BRIP1: variants seen among roughly 807,000 people sequenced by gnomAD.
BRIP1 encodes BRCA1 interacting DNA helicase 1.
BRIP1 carries 88 observed loss-of-function variants against 119.7 expected under a neutral mutation model. The observed-to-expected ratio is 0.74, with a 90% CI of 0.62 to 0.88. The LOEUF is 0.88. BRIP1 is among the 40% of genes least tolerant of loss of function. The pLI, the probability that BRIP1 is intolerant of heterozygous loss-of-function variation, is 0.00. For missense variants in BRIP1, 1,259 were observed against 1,455.4 expected (o/e 0.87, Z 2.20); for synonymous variants, 443 against 496.5 (o/e 0.89, Z 1.43).
rs1458785489 is a variant in BRIP1, at chr17:61,756,339, C to G, written c.2098-11748G>C. Among the ~76,000 whole-genome samples the G allele has an allele frequency of 6.6e-6, 1 of 152,160 alleles. No individual in the cohort carries two copies. The highest frequency in any genetic ancestry group is 2.4e-5 in the African/African-American group (1 of 41,440). On this transcript the variant is annotated intron_variant, in intron 14 of 19. Coordinates refer to ENST00000259008, the MANE Select transcript of BRIP1 (RefSeq NM_032043.3). This position sits in a 1 kb window ranked among gnomAD's most constrained non-coding sequence, Gnocchi z 4.3. ...TAACTTAAAGGAAAGTACGATGACA[C>G]AGAGCTGTCTCTCAGGTCTTATGGC...
At chr17:61,829,368 TA>T (rs1352938709) in intron 6 of BRIP1, among the ~76,000 whole-genome samples, 5 of 151,852 alleles carry the variant, frequency 3.3e-5, no homozygotes, top group Admixed American at 6.6e-5. Flanking sequence ...CAAGAAGACA[TA>T]ATAATCTTAA....
chr17:61,799,677 A>T lies in BRIP1; in HGVS notation c.1141-378T>A, dbSNP rs184536981. 3.2e-4 allele frequency among the ~76,000 whole-genome samples: 49 copies of T among 152,314 alleles called. No homozygotes were observed. Among genetic ancestry groups the T allele is most frequent in the African/African-American group, 1.1e-3 (47 of 41,578 alleles). ...CCTTTAAAAATAAAATAACAATATA[A>T]GATTAAAAGCATAAGACCTTTAAAA... On this transcript the variant is annotated intron_variant, in intron 8 of 19. Coordinates refer to ENST00000259008, the MANE Select transcript of BRIP1 (RefSeq NM_032043.3). The surrounding 1 kb of genome is among the most constrained non-coding windows in gnomAD (Gnocchi z 5.1).
Position 61,846,651 on chromosome 17 carries a change from T to G in BRIP1, c.627+450A>C, listed in dbSNP as rs1335986571. Among the ~76,000 whole-genome samples, 1 of 152,156 alleles carries G rather than the reference T, an allele frequency of 6.6e-6. No homozygotes were observed. Among genetic ancestry groups the G allele is most frequent in the Non-Finnish European group, 1.5e-5 (1 of 68,008 alleles). On this transcript the variant is annotated intron_variant, in intron 6 of 19. Transcript: ENST00000259008. The surrounding 1 kb of genome is among the most constrained non-coding windows in gnomAD (Gnocchi z 4.3). Reference sequence around the variant, plus strand: ...ATCCACCCGCCTTGGCCTCCCAAAGTGCTGGGATTACAGGCGTGAGCCACC... The same window carrying G: ...ATCCACCCGCCTTGGCCTCCCAAAGGGCTGGGATTACAGGCGTGAGCCACC...
chr17:61,727,083 C>G (rs2076775259), intron 16 of BRIP1, among the ~76,000 whole-genome samples: 1 of 152,220 alleles, frequency 6.6e-6, no homozygotes, highest in East Asian at 1.9e-4. Context: ...TAAGGGGACT[C>G]AGTAATGGTG....
chr17:61,719,597 C>T (rs976518110), intron 16 of BRIP1, among the ~76,000 whole-genome samples: 9 of 151,608 alleles, frequency 5.9e-5, no homozygotes, highest in East Asian at 2.0e-4. Context: ...TGGTGGCAGG[C>T]GCCTGTAGTC....
At position 61,844,382 on chromosome 17, in the gene BRIP1, T is replaced by C. The variant is rs1567864232; in HGVS notation, c.627+2719A>G. Among the ~76,000 whole-genome samples the C allele has an allele frequency of 6.6e-6, 1 of 152,096 alleles. No homozygotes were observed. Among genetic ancestry groups the C allele is most frequent in the Non-Finnish European group, 1.5e-5 (1 of 68,018 alleles). On this transcript the variant is annotated intron_variant, in intron 6 of 19. Coordinates refer to ENST00000259008, the MANE Select transcript of BRIP1 (RefSeq NM_032043.3). The surrounding 1 kb of genome is among the most constrained non-coding windows in gnomAD (Gnocchi z 4.7). ...AGAGGATCACTGGAGGCCATGAGTT[T>C]GAGACCAACCTGGGCAACACAGTGA...
chr17:61,786,197 CGT>C (rs139960292), intron 10 of BRIP1, among the ~76,000 whole-genome samples: 32 of 148,730 alleles, frequency 2.2e-4, no homozygotes, highest in South Asian at 4.2e-4. Flanking sequence ...CATGAGTGAG[CGT>C]GTGTGTGTGT....
rs1603275756 is a variant in BRIP1, at chr17:61,684,217, T to G, written c.2906-77A>C. ...ATTGCTAGGTTAAAATAATTATTTA[T>G]TAGAAATACCTAAATAACTGTATAG... On this transcript the variant is annotated intron_variant, in intron 19 of 19. Transcript: ENST00000259008. The surrounding 1 kb of genome is among the most constrained non-coding windows in gnomAD (Gnocchi z 4.5). 1 of 1,485,422 alleles carries G rather than the reference T, an allele frequency of 6.7e-7. No homozygotes were observed. The highest frequency in any genetic ancestry group is 2.3e-5 in the East Asian group (1 of 43,094). 92.0% of individuals were successfully genotyped at this position (1,485,422 alleles called of 1,614,324 possible). A position where few individuals can be genotyped will look rare whatever the true frequency, so the allele number is the denominator to read the frequency against.
rs776524741 is a variant in BRIP1, at chr17:61,709,278, G to C, written c.2492+6673C>G. Among the ~76,000 whole-genome samples the C allele has an allele frequency of 6.6e-6, 1 of 152,006 alleles. No homozygotes were observed. Among genetic ancestry groups the C allele is most frequent in the Non-Finnish European group, 1.5e-5 (1 of 67,994 alleles). ...CCAGTGTTCAAAATGTGTTGATATC[G>C]CTTGTCTGTCACTGTCTCCTCTCTC... is the stretch of plus-strand genomic sequence containing the variant. On this transcript the variant is annotated intron_variant, in intron 17 of 19. Transcript: ENST00000259008. This position sits in a 1 kb window ranked among gnomAD's most constrained non-coding sequence, Gnocchi z 5.0.
At chr17:61,702,533 C>T (rs896839767) in intron 17 of BRIP1, among the ~76,000 whole-genome samples, 1 of 152,138 alleles carries the variant, frequency 6.6e-6, no homozygotes, top group Non-Finnish European at 1.5e-5. Context: ...GTTTAGCTCC[C>T]GTGTATAAGT....
Position 61,802,250 on chromosome 17 carries a change from G to A in BRIP1, c.919-776C>T, listed in dbSNP as rs2078007301. On this transcript the variant is annotated intron_variant, in intron 7 of 19. Coordinates refer to ENST00000259008, the MANE Select transcript of BRIP1 (RefSeq NM_032043.3). The surrounding 1 kb of genome is among the most constrained non-coding windows in gnomAD (Gnocchi z 6.0). ...CTTAGGCAAAAGGACTGTTTTAGGTGAGGAGTTTGATACCAGCCTGGGCAA... is the reference window on the plus strand; with the variant it reads ...CTTAGGCAAAAGGACTGTTTTAGGTAAGGAGTTTGATACCAGCCTGGGCAA... Among the ~76,000 whole-genome samples the A allele has an allele frequency of 1.3e-5, 2 of 152,116 alleles. No homozygotes were observed. The highest frequency in any genetic ancestry group is 4.8e-5 in the African/African-American group (2 of 41,430).
At chr17:61,829,419 A>C (rs528649611) in intron 6 of BRIP1, among the ~76,000 whole-genome samples, 48 of 152,272 alleles carry the variant, frequency 3.2e-4, no homozygotes, top group African/African-American at 1.1e-3. Context: ...AAACCCATGA[A>C]GCAAAAACTG....
chr17:61,785,035 T>C (rs2077684998), intron 10 of BRIP1, among the ~76,000 whole-genome samples: 1 of 152,224 alleles, frequency 6.6e-6, no homozygotes, highest in Non-Finnish European at 1.5e-5. Flanking sequence ...AAAGACTCTT[T>C]AATAATAAGT....
In BRIP1 at chr17:61,780,930, A is replaced by C. The variant is rs763458922; in HGVS notation, c.1704T>G (p.Asn568Lys). The C allele has an allele frequency of 1.1e-5, 17 of 1,613,952 alleles. No homozygotes were observed. Among genetic ancestry groups the C allele is most frequent in the Non-Finnish European group, 1.4e-5 (16 of 1,179,994 alleles). The change falls in exon 12 of 20, where the codon AAT becomes AAG. Residue 568 changes from asparagine (N) to lysine (K), a missense_variant. Asn to Lys is a moderately conservative substitution (Grantham distance 94). Around this residue, in one of 3 missense-constraint regions of BRIP1, gnomAD observed 753 missense variants for 891.8 expected, o/e 0.84. Coordinates refer to ENST00000259008, the MANE Select transcript of BRIP1 (RefSeq NM_032043.3). This position sits in a 1 kb window ranked among gnomAD's most constrained non-coding sequence, Gnocchi z 5.4. ...TATTTTTTGGTAGAACCAACAACCC[A>C]TTTTTGTCTGAAATATCAATCTGAT... ...WTNQIDISDK[N>K]GLLVLPKNKK... is the part of the protein sequence containing the mutation.
intron 3 of BRIP1, among the ~76,000 whole-genome samples, chr17:61,859,073 A>T (rs900097625): frequency 7.3e-5 from 11 of 151,708 alleles, no homozygotes; most frequent in African/African-American, 2.7e-4. Context: ...AAAAAAGGAA[A>T]AGTAGTGGGA....
At chr17:61,777,640 A>G (rs2077554678) in intron 13 of BRIP1, among the ~76,000 whole-genome samples, 1 of 152,168 alleles carries the variant, frequency 6.6e-6, no homozygotes. Context: ...GATTTATTAG[A>G]AAAAATATTA....
intron 17 of BRIP1, among the ~76,000 whole-genome samples, chr17:61,707,382 T>C (rs1327776379): frequency 2.6e-5 from 4 of 152,160 alleles, no homozygotes; most frequent in African/African-American, 9.7e-5. Context: ...TTTGTAGCTT[T>C]TCCTCCTTTA....
rs1557720 is a variant in BRIP1, at chr17:61,709,013, T to A, written c.2492+6938A>T. Among the ~76,000 whole-genome samples, 92,590 of 151,952 alleles carry A rather than the reference T, an allele frequency of 0.61. 28,845 individuals are homozygous for A. Among genetic ancestry groups the A allele is most frequent in the Admixed American group, 0.74 (11,250 of 15,266 alleles). ...GTGCCTGGTGTTGAAGAATACAGAG[T>A]CTCTGTTGTTCAACCTTTCCAGAAG... On this transcript the variant is annotated intron_variant, in intron 17 of 19. Coordinates refer to ENST00000259008, the MANE Select transcript of BRIP1 (RefSeq NM_032043.3). The surrounding 1 kb of genome is among the most constrained non-coding windows in gnomAD (Gnocchi z 5.0).
chr17:61,735,435 C>T lies in BRIP1; in HGVS notation c.2379+7578G>A, dbSNP rs547506734. Among the ~76,000 whole-genome samples, 69 of 151,976 alleles carry T rather than the reference C, an allele frequency of 4.5e-4. No individual in the cohort carries two copies. Among genetic ancestry groups the T allele is most frequent in the African/African-American group, 1.6e-3 (67 of 41,454 alleles). On this transcript the variant is annotated intron_variant, in intron 16 of 19. Transcript: ENST00000259008. The surrounding 1 kb of genome is among the most constrained non-coding windows in gnomAD (Gnocchi z 4.4). ...CCTCTGGAAGTATACTGTCATGATA[C>T]GAGGGGGCTTGTGAAAAGGCCACAT... is the stretch of plus-strand genomic sequence containing the variant.
Sources: allele counts gnomAD v4.1 joint callset (sites outside exome capture counted in the v4.1 genomes callset), GRCh38; gene constraint gnomAD v4.1.1; regional missense constraint gnomAD v4.1.1; non-coding constraint Gnocchi (gnomAD v3.1); transcripts MANE v1.5; gene names NCBI Gene and HGNC (gene_info 2026-07-23, HGNC 2026-07-21).